GLIS3: variants seen among roughly 807,000 people sequenced by gnomAD.
GLIS3 encodes zinc finger protein GLIS3.
In GLIS3, 53 loss-of-function variants were observed where a neutral mutation model predicts 78.6. That is an observed-to-expected ratio of 0.67 (90% confidence interval 0.54 to 0.85). The LOEUF (loss-of-function observed/expected upper bound fraction) is 0.85. GLIS3 is among the 40% of genes least tolerant of loss of function. The pLI, the probability that GLIS3 is intolerant of heterozygous loss-of-function variation, is 0.00. For synonymous variants in GLIS3, 684 were observed against 509.9 expected (o/e 1.34, Z -4.60); for missense variants, 1,703 against 1,231.1 (o/e 1.38, Z -5.74).
the GLIS3 span, among the ~76,000 whole-genome samples, chr9:4,355,921 C>T: frequency 6.6e-6 from 1 of 152,124 alleles, no homozygotes; most frequent in African/African-American, 2.4e-5. Context: ...GATTAGCATG[C>T]GTTTGGTATG....
the GLIS3 span, among the ~76,000 whole-genome samples, chr9:4,408,013 G>A: frequency 6.6e-6 from 1 of 152,034 alleles, no homozygotes; most frequent in East Asian, 1.9e-4. Context: ...ATAAAAAACT[G>A]CTCAACATTA....
At chr9:4,455,391 C>T in the GLIS3 span, among the ~76,000 whole-genome samples, 1 of 152,064 alleles carries the variant, frequency 6.6e-6, no homozygotes, top group Non-Finnish European at 1.5e-5. Context: ...TGGCTGCAAC[C>T]TCCAAGAAGA....
chr9:4,072,997 A>C (rs142142138), intron 4 of GLIS3, among the ~76,000 whole-genome samples: 1 of 145,972 alleles, frequency 6.9e-6, no homozygotes, highest in Non-Finnish European at 1.5e-5. Context: ...ATTCTTTTTC[A>C]CTTGGGTTTA....
the GLIS3 span, among the ~76,000 whole-genome samples, chr9:4,457,463 A>G: frequency 1.3e-5 from 2 of 152,104 alleles, no homozygotes; most frequent in African/African-American, 4.8e-5. Flanking sequence ...CTCTAGCTGA[A>G]CATCTTTCAC....
chr9:4,285,220 G>T (rs1016454159), intron 2 of GLIS3, among the ~76,000 whole-genome samples: 33 of 152,114 alleles, frequency 2.2e-4, no homozygotes, highest in Admixed American at 2.0e-3. Context: ...TATATTTTAC[G>T]TGGGGTGCAT....
At position 3,828,255 on chromosome 9, in the gene GLIS3, A is replaced by G; in HGVS notation, c.*17T>C. On this transcript the variant is annotated 3_prime_UTR_variant, in exon 11 of 11. Coordinates refer to ENST00000381971, the MANE Select transcript of GLIS3 (RefSeq NM_001042413.2). ...AACATCAAGGTCCTGGGTGTGCAGGAGTGGCCAAGAGAGCTTTTAGCCTTC... is the reference window on the plus strand; with the variant it reads ...AACATCAAGGTCCTGGGTGTGCAGGGGTGGCCAAGAGAGCTTTTAGCCTTC... 6.2e-7 allele frequency: 1 copy of G among 1,613,968 alleles called. No individual in the cohort carries two copies. Among genetic ancestry groups the G allele is most frequent in the Non-Finnish European group, 8.5e-7 (1 of 1,179,982 alleles).
At chr9:4,354,976 C>T in the GLIS3 span, among the ~76,000 whole-genome samples, 1 of 151,634 alleles carries the variant, frequency 6.6e-6, no homozygotes, top group Non-Finnish European at 1.5e-5. Flanking sequence ...ATTACCCAGG[C>T]GTGGTGGCGG....
intron 9 of GLIS3, chr9:3,855,476 C>T (rs944152152): frequency 1.8e-5 from 3 of 170,478 alleles, no homozygotes; most frequent in African/African-American, 4.8e-5. Context: ...AAGTAAAACA[C>T]AAGGTAGAGG....
At chr9:4,200,815 G>C (rs1233032050) in intron 2 of GLIS3, among the ~76,000 whole-genome samples, 1 of 152,084 alleles carries the variant, frequency 6.6e-6, no homozygotes, top group East Asian at 1.9e-4. Flanking sequence ...AAAGTGGAAC[G>C]ACTCCTGCCT....
rs1306402854 is a variant in GLIS3 at position 4,125,942 on chromosome 9, C to G, written c.389-1G>C. 5.6e-6 allele frequency: 9 copies of G among 1,612,944 alleles called. No homozygotes were observed. The highest frequency in any genetic ancestry group is 2.7e-5 in the African/African-American group (2 of 74,854). On this transcript the variant is annotated splice_acceptor_variant, in intron 2 of 10. Coordinates refer to ENST00000381971, the MANE Select transcript of GLIS3 (RefSeq NM_001042413.2). LOFTEE classifies it high-confidence loss of function. Reference sequence around the variant, plus strand: ...CACTGAGGCCCAAAGCCAAGAGCCCCTAAAAACAAATGAATCAGGTTAGCT... The same window carrying G: ...CACTGAGGCCCAAAGCCAAGAGCCCGTAAAAACAAATGAATCAGGTTAGCT...
the GLIS3 span, among the ~76,000 whole-genome samples, chr9:4,462,424 T>A: frequency 6.6e-6 from 1 of 152,104 alleles, no homozygotes; most frequent in East Asian, 1.9e-4. Flanking sequence ...TGGCACAAAC[T>A]GCATTCTAGG....
rs1223577686 is a variant in GLIS3 at position 3,932,440 on chromosome 9, T to C, written c.1903A>G (p.Thr635Ala). The stretch of plus-strand genomic sequence containing the variant: ...GAACTTGGGTCTGTGTAGCGTTTGG[T>C]ACATCCTGGAATTTGACAAGCATAA... The part of the protein sequence containing the change: ...KPYACQIPGC[T>A]KRYTDPSSLR... Residue 635 changes from threonine to alanine, a missense_variant, in exon 6 of 11, where the codon ACC becomes GCC. Transcript: ENST00000381971. 2 of 1,613,740 alleles carry C rather than the reference T, an allele frequency of 1.2e-6. No individual in the cohort carries two copies. Among genetic ancestry groups the C allele is most frequent in the East Asian group, 4.5e-5 (2 of 44,860 alleles).
chr9:4,200,118 G>C (rs1436792123), intron 2 of GLIS3, among the ~76,000 whole-genome samples: 1 of 152,092 alleles, frequency 6.6e-6, no homozygotes, highest in African/African-American at 2.4e-5. Flanking sequence ...TGAAAACAGA[G>C]ATACAGCATA....
chr9:4,087,105 A>T (rs1259349169), intron 4 of GLIS3, among the ~76,000 whole-genome samples: 1 of 152,216 alleles, frequency 6.6e-6, no homozygotes, highest in Non-Finnish European at 1.5e-5. Context: ...GAATAACTAT[A>T]TTTGTTTGCA....
chr9:4,283,243 T>C (rs1405840226), intron 2 of GLIS3, among the ~76,000 whole-genome samples: 1 of 149,684 alleles, frequency 6.7e-6, no homozygotes, highest in African/African-American at 2.5e-5. Flanking sequence ...ACCGGAGTCC[T>C]TACTGTGCTG....
intron 2 of GLIS3, among the ~76,000 whole-genome samples, chr9:4,273,600 TAAA>T (rs1826718195): frequency 1.2e-5 from 1 of 84,914 alleles, no homozygotes; most frequent in African/African-American, 3.9e-5. Flanking sequence ...CATAAATAAA[TAAA>T]TAAATAAATA....
At chr9:4,104,113 T>A (rs1051193734) in intron 4 of GLIS3, among the ~76,000 whole-genome samples, 1 of 152,146 alleles carries the variant, frequency 6.6e-6, no homozygotes, top group African/African-American at 2.4e-5. Context: ...ATTTTAGATG[T>A]TACCTAGAAA....
At chr9:3,949,583 C>G (rs1419141812) in intron 4 of GLIS3, among the ~76,000 whole-genome samples, 1 of 152,164 alleles carries the variant, frequency 6.6e-6, no homozygotes, top group Non-Finnish European at 1.5e-5. Context: ...CCAACAGTAA[C>G]AAAACTTGGC....
intron 2 of GLIS3, among the ~76,000 whole-genome samples, chr9:4,234,238 A>G (rs1357261509): frequency 6.6e-6 from 1 of 152,178 alleles, no homozygotes; most frequent in Non-Finnish European, 1.5e-5. Context: ...GTTTGACACA[A>G]TTGGTTTTAG....
Sources: gnomAD v4.1 joint callset for allele counts (sites outside exome capture counted in the v4.1 genomes callset) on GRCh38, gnomAD v4.1.1 for gene constraint, MANE v1.5 for transcripts, NCBI Gene and HGNC (gene_info 2026-07-23, HGNC 2026-07-21) for gene names.